Variants in RBM26 observed in about 807,000 individuals in gnomAD.
The protein encoded by RBM26 is RNA binding motif protein 26, also known as RNA-binding protein 26.
In RBM26, 30 loss-of-function variants were observed where a neutral mutation model predicts 123.6. That is an observed-to-expected ratio of 0.24 (90% confidence interval 0.18 to 0.33). The LOEUF (loss-of-function observed/expected upper bound fraction) is 0.33. Ranked by LOEUF, RBM26 falls within the 10% of genes least tolerant of loss-of-function variation. The probability of loss-of-function intolerance (pLI) is 1.00; values close to 1 mark genes in which losing one functional copy is unlikely to be tolerated. For missense variants in RBM26, 947 were observed against 1,203.6 expected (o/e 0.79, Z 3.15); for synonymous variants, 400 against 404.4 (o/e 0.99, Z 0.13).
chr13:79,377,185 A>G (rs1245871678), intron 3 of RBM26, 194 bp downstream of exon 3: 4 of 489,338 alleles, frequency 8.2e-6, no homozygotes, highest in Non-Finnish European at 1.1e-5. Flanking sequence ...ACTTTGCTTT[A>G]TATCCTTTTG....
At chr13:79,374,545 T>C (rs1469502371) in intron 3 of RBM26, among the ~76,000 whole-genome samples, 1 of 152,142 alleles carries the variant, frequency 6.6e-6, no homozygotes, top group Non-Finnish European at 1.5e-5. Flanking sequence ...GAAATCCTAT[T>C]AACAGACCAA....
chr13:79,325,409 T>A (rs1432419615), intron 20 of RBM26, among the ~76,000 whole-genome samples: 1 of 152,134 alleles, frequency 6.6e-6, no homozygotes, highest in Non-Finnish European at 1.5e-5. Context: ...GGACAAGACG[T>A]AAAGGTAGAA....
At position 79,337,271 on chromosome 13, in the gene RBM26, C is replaced by T. The variant is rs140188767; in HGVS notation, c.2564G>A (p.Arg855Gln). 4.6e-5 allele frequency: 75 copies of T among 1,613,964 alleles called. No homozygotes were observed. The highest frequency in any genetic ancestry group is 6.0e-5 in the Non-Finnish European group (71 of 1,179,998). Reference sequence around the variant, plus strand: ...ACCTCTTGAATGAATTCCTCTGCCCCGACCAGATGAAAGAATCCCTCGTTT... The same window carrying T: ...ACCTCTTGAATGAATTCCTCTGCCCTGACCAGATGAAAGAATCCCTCGTTT... ...AAKRGILSSG[R>Q]GRGIHSRGRG... Residue 855 changes from arginine to glutamine, a missense_variant, in exon 19 of 22, where the codon CGG becomes CAG. Physicochemically the swap from Arg to Gln is conservative, Grantham distance 43. Coordinates refer to ENST00000438737, the MANE Select transcript of RBM26 (RefSeq NM_001366735.2).
chr13:79,330,417 T>C (rs997254118), intron 20 of RBM26, among the ~76,000 whole-genome samples: 10 of 152,206 alleles, frequency 6.6e-5, no homozygotes, highest in African/African-American at 2.2e-4. Context: ...TGTTTACCTC[T>C]GGACTTAGTC....
At chr13:79,328,966 A>G (rs2068871386) in intron 20 of RBM26, among the ~76,000 whole-genome samples, 1 of 152,024 alleles carries the variant, frequency 6.6e-6, no homozygotes. Flanking sequence ...TAAAACCACT[A>G]TGTAGCGTAC....
At position 79,347,131 on chromosome 13, in the gene RBM26, T is replaced by C. The variant is rs1038796238; in HGVS notation, c.2059-2337A>G. ...CTAAGGAGTGCTGGTTCAAAGTGAA[T>C]AAAAGTATCTGACAATGATAAGACT... On this transcript the variant is annotated intron_variant, in intron 14 of 21. Transcript: ENST00000438737. 2.6e-5 allele frequency among the ~76,000 whole-genome samples: 4 copies of C among 152,298 alleles called. No homozygotes were observed. The East Asian group carries it at 5.8e-4, about 22-fold the overall frequency.
chr13:79,326,025 G>A (rs990036386), intron 20 of RBM26, among the ~76,000 whole-genome samples: 1 of 152,064 alleles, frequency 6.6e-6, no homozygotes, highest in Non-Finnish European at 1.5e-5. Flanking sequence ...AAGACCAACG[G>A]GCTATATACC....
downstream of RBM26, among the ~76,000 whole-genome samples, chr13:79,317,007 A>C (rs2067210137): frequency 6.6e-6 from 1 of 151,702 alleles, no homozygotes. Flanking sequence ...GAGTAAACTG[A>C]GATGGAAAGG....
In RBM26 at chr13:79,321,048, C is replaced by G. The variant is rs577769737; in HGVS notation, c.2935-338G>C. On this transcript the variant is annotated intron_variant, in intron 21 of 21. Transcript: ENST00000438737. ...TAAAAAAGAAAACAGTAAGTTTTCT[C>G]TAATTTACCCTCCTAACCTTGAATA... 5.9e-5 allele frequency among the ~76,000 whole-genome samples: 9 copies of G among 151,420 alleles called. No individual in the cohort carries two copies. The South Asian group carries it at 1.9e-3, about 31-fold the overall frequency.
chr13:79,332,814 G>C (rs141743807), intron 20 of RBM26, among the ~76,000 whole-genome samples: 191 of 152,212 alleles, frequency 1.3e-3, no homozygotes, highest in African/African-American at 4.4e-3. Context: ...ACCCAAGAAA[G>C]AAGGTACGTG....
chr13:79,390,287 C>T (rs2077845865), intron 1 of RBM26, among the ~76,000 whole-genome samples: 1 of 152,062 alleles, frequency 6.6e-6, no homozygotes, highest in African/African-American at 2.4e-5. Context: ...TACAAAGAAG[C>T]AAACTACAGA....
At chr13:79,330,252 A>C (rs2069085808) in intron 20 of RBM26, among the ~76,000 whole-genome samples, 1 of 152,224 alleles carries the variant, frequency 6.6e-6, no homozygotes, top group Admixed American at 6.5e-5. Context: ...AAATTAAGGA[A>C]TGGCATATAC....
chr13:79,347,486 T>C (rs1160026067), intron 14 of RBM26, among the ~76,000 whole-genome samples: 4 of 152,052 alleles, frequency 2.6e-5, no homozygotes, highest in African/African-American at 9.7e-5. Flanking sequence ...AAGAAGAAAA[T>C]CTATTAAAAC....
At chr13:79,354,391 A>G in intron 13 of RBM26, 48 bp downstream of exon 13, 1 of 1,394,258 alleles carries the variant, frequency 7.2e-7, no homozygotes, top group South Asian at 2.0e-5. Flanking sequence ...AGGGAAACTA[A>G]ATTACTGAGA....
Position 79,358,908 on chromosome 13 carries a change from AAAG to A in RBM26, c.1530-478_1530-476del, listed in dbSNP as rs1245487860. Among the ~76,000 whole-genome samples, 6 of 152,310 alleles carry A rather than the reference AAAG, an allele frequency of 3.9e-5. No homozygotes were observed. The South Asian group carries it at 8.3e-4, about 21-fold the overall frequency. On this transcript the variant is annotated intron_variant, in intron 10 of 21. Transcript: ENST00000438737. ...AGAAAAAAAGAATTGTTGGAACTAT[AAAG>A]AATACATTTTGACACTTGAAGAAAG...
chr13:79,398,638 C>A (rs906102019), intron 1 of RBM26, among the ~76,000 whole-genome samples: 3 of 152,028 alleles, frequency 2.0e-5, no homozygotes, highest in African/African-American at 7.3e-5. Context: ...AGCAATCTTG[C>A]ACATAGCAAC....
chr13:79,355,394 A>C lies in RBM26; in HGVS notation c.1690-10T>G. 1.2e-6 allele frequency: 2 copies of C among 1,608,760 alleles called. No individual in the cohort carries two copies. Among genetic ancestry groups the C allele is most frequent in the Non-Finnish European group, 1.7e-6 (2 of 1,176,694 alleles). On this transcript the variant is annotated splice_polypyrimidine_tract_variant and intron_variant, in intron 11 of 21. Transcript: ENST00000438737. ...CACCATTATAAGCAACCTAAGATTT[A>C]AAATATTAAGAACAGTGAATTTCCA...
At chr13:79,369,691 T>C (rs1204550915) in intron 5 of RBM26, among the ~76,000 whole-genome samples, 2 of 152,210 alleles carry the variant, frequency 1.3e-5, no homozygotes, top group African/African-American at 4.8e-5. Context: ...CATCTTACTT[T>C]CAATAACATG....
intron 3 of RBM26, among the ~76,000 whole-genome samples, chr13:79,373,562 A>G (rs1465201244): frequency 1.8e-5 from 2 of 108,898 alleles, no homozygotes; most frequent in Non-Finnish European, 3.4e-5. Flanking sequence ...ATTACTATAT[A>G]TATTTATATA....
Sources: allele counts gnomAD v4.1 joint callset (sites outside exome capture counted in the v4.1 genomes callset), GRCh38; gene constraint gnomAD v4.1.1; transcripts MANE v1.5; gene names NCBI Gene and HGNC (gene_info 2026-07-23, HGNC 2026-07-21).